The following CSMD1 variants were observed in gnomAD, a reference collection of about 807,000 sequenced individuals.
CSMD1 encodes CUB and sushi domain-containing protein 1.
In CSMD1, 213 loss-of-function variants were observed where a neutral mutation model predicts 417.5. The ratio of observed to expected loss-of-function variants is 0.51; its 90% CI spans 0.46 to 0.57. CSMD1 has a LOEUF of 0.57. Ranked by LOEUF, CSMD1 falls within the 20% of genes least tolerant of loss-of-function variation. CSMD1 has a pLI of 0.00. For synonymous variants in CSMD1, 2,862 were observed against 1,736.8 expected (o/e 1.65, Z -16.11); for missense variants, 6,923 against 4,529.7 (o/e 1.53, Z -15.17).
At chr8:3,918,323 G>A (rs578106184) in intron 5 of CSMD1, among the ~76,000 whole-genome samples, 1 of 151,994 alleles carries the variant, frequency 6.6e-6, no homozygotes, top group Non-Finnish European at 1.5e-5. Flanking sequence ...CCTACCACCA[G>A]TGTACAGAGT....
chr8:4,271,065 G>T (rs370733024), intron 3 of CSMD1, among the ~76,000 whole-genome samples: 1 of 152,158 alleles, frequency 6.6e-6, no homozygotes, highest in Non-Finnish European at 1.5e-5. Context: ...AGCTGGTGCA[G>T]AAAGTTCAGA....
chr8:4,067,153 G>C (rs117547580), intron 3 of CSMD1, among the ~76,000 whole-genome samples: 1 of 152,218 alleles, frequency 6.6e-6, no homozygotes, highest in East Asian at 1.9e-4. Context: ...CAAAGGGAAA[G>C]CAAGGATGAA....
intron 2 of CSMD1, among the ~76,000 whole-genome samples, chr8:4,541,098 T>C (rs1259721911): frequency 1.3e-5 from 2 of 152,222 alleles, no homozygotes; most frequent in Non-Finnish European, 2.9e-5. Flanking sequence ...AATGCTATTG[T>C]CTGGAGAGTT....
chr8:4,652,928 G>A (rs1804001246), intron 1 of CSMD1, among the ~76,000 whole-genome samples: 2 of 151,414 alleles, frequency 1.3e-5, no homozygotes, highest in Admixed American at 1.3e-4. Context: ...GAGTTCAGGT[G>A]GTAATGTGAG....
At chr8:3,891,043 T>A (rs1051735216) in intron 5 of CSMD1, among the ~76,000 whole-genome samples, 1 of 152,012 alleles carries the variant, frequency 6.6e-6, no homozygotes, top group Non-Finnish European at 1.5e-5. Flanking sequence ...TTTTTGTTTT[T>A]TTTTTGTTTT....
chr8:4,008,767 C>T (rs762686226), intron 4 of CSMD1, among the ~76,000 whole-genome samples: 19 of 151,746 alleles, frequency 1.3e-4, no homozygotes, highest in Non-Finnish European at 2.4e-4. Flanking sequence ...TCCGGCACCA[C>T]GCCTGGCTAA....
At chr8:4,689,968 G>C (rs1339982429) in intron 1 of CSMD1, among the ~76,000 whole-genome samples, 2 of 152,126 alleles carry the variant, frequency 1.3e-5, no homozygotes, top group Admixed American at 1.3e-4. Context: ...CTGTATTACT[G>C]CCGTAAGCGT....
At chr8:2,973,606 G>T (rs1804651307) in intron 56 of CSMD1, among the ~76,000 whole-genome samples, 1 of 151,026 alleles carries the variant, frequency 6.6e-6, no homozygotes, top group African/African-American at 2.4e-5. Flanking sequence ...CGTCTTCACT[G>T]AAAAGGTAGG....
At chr8:3,884,180 A>C (rs371594506) in intron 5 of CSMD1, among the ~76,000 whole-genome samples, 1 of 152,200 alleles carries the variant, frequency 6.6e-6, no homozygotes, top group Non-Finnish European at 1.5e-5. Context: ...AGGTGGCTTT[A>C]AATTCACTTT....
At chr8:3,360,962 C>T (rs1391094884) in intron 20 of CSMD1, among the ~76,000 whole-genome samples, 4 of 151,846 alleles carry the variant, frequency 2.6e-5, no homozygotes, top group African/African-American at 9.7e-5. Context: ...TAAACACTTC[C>T]TTCATCTCAC....
At chr8:4,218,294 T>C (rs1177515442) in intron 3 of CSMD1, among the ~76,000 whole-genome samples, 1 of 152,196 alleles carries the variant, frequency 6.6e-6, no homozygotes, top group Non-Finnish European at 1.5e-5. Context: ...AAGTTTGACT[T>C]TCCTATACTG....
intron 54 of CSMD1, among the ~76,000 whole-genome samples, chr8:2,993,162 T>C (rs1023627803): frequency 6.6e-6 from 1 of 152,234 alleles, no homozygotes; most frequent in Non-Finnish European, 1.5e-5. Context: ...CTTCCCTTTA[T>C]ATACACTTAT....
chr8:2,970,197 G>C (rs1409294288), intron 57 of CSMD1, among the ~76,000 whole-genome samples: 1 of 152,188 alleles, frequency 6.6e-6, no homozygotes, highest in African/African-American at 2.4e-5. Flanking sequence ...TGCTGGACTA[G>C]AACTCATAGT....
rs1202615415 is a variant in CSMD1, at chr8:4,591,902, G to C, written c.302+45440C>G. On this transcript the variant is annotated intron_variant, in intron 2 of 69. Coordinates refer to ENST00000635120, the MANE Select transcript of CSMD1 (RefSeq NM_033225.6). ...CGGTGGGGAGGCTGAAAGTTGGGCAGACATTCTGAGGGACTTCAGGAGATC... is the reference window on the plus strand; with the variant it reads ...CGGTGGGGAGGCTGAAAGTTGGGCACACATTCTGAGGGACTTCAGGAGATC... Among the ~76,000 whole-genome samples, 3 of 152,112 alleles carry C rather than the reference G, an allele frequency of 2.0e-5. No individual in the cohort carries two copies. The East Asian group carries it at 5.8e-4, about 29-fold the overall frequency.
At chr8:4,486,657 G>A (rs932934085) in intron 2 of CSMD1, among the ~76,000 whole-genome samples, 1 of 151,884 alleles carries the variant, frequency 6.6e-6, no homozygotes, top group Non-Finnish European at 1.5e-5. Flanking sequence ...ACATATAGAT[G>A]GGGAAACTGA....
chr8:4,798,910 A>C (rs538199745), intron 1 of CSMD1, among the ~76,000 whole-genome samples: 1 of 152,198 alleles, frequency 6.6e-6, no homozygotes, highest in Non-Finnish European at 1.5e-5. Context: ...CAAAGTAAAA[A>C]TTCAGCAACT....
chr8:3,715,094 T>A (rs2084386164), intron 6 of CSMD1, among the ~76,000 whole-genome samples: 1 of 152,224 alleles, frequency 6.6e-6, no homozygotes, highest in African/African-American at 2.4e-5. Flanking sequence ...TCATTAGATT[T>A]TTTTGTGTTT....
intron 2 of CSMD1, among the ~76,000 whole-genome samples, chr8:4,448,109 A>T (rs1485778179): frequency 1.3e-5 from 2 of 152,122 alleles, no homozygotes; most frequent in African/African-American, 4.8e-5. Flanking sequence ...TATGTTCTTG[A>T]TCTCTTCCTA....
intron 7 of CSMD1, among the ~76,000 whole-genome samples, chr8:3,660,619 C>G (rs1341645735): frequency 6.7e-6 from 1 of 149,550 alleles, no homozygotes; most frequent in African/African-American, 2.5e-5. Flanking sequence ...CTCCCAGGTT[C>G]AAGCGATTCT....
Sources: gnomAD v4.1 joint callset for allele counts (sites outside exome capture counted in the v4.1 genomes callset) on GRCh38, gnomAD v4.1.1 for gene constraint, MANE v1.5 for transcripts, NCBI Gene and HGNC (gene_info 2026-07-23, HGNC 2026-07-21) for gene names.